Variants in CENPT observed in about 807,000 individuals in gnomAD.
The protein encoded by CENPT is centromere protein T, also known as interphase centromere complex protein 22.
Under a neutral mutation model 59.7 loss-of-function variants are expected in CENPT, and 42 were observed. That is an observed-to-expected ratio of 0.70 (90% CI 0.55 to 0.91). The LOEUF (loss-of-function observed/expected upper bound fraction) is 0.91. CENPT is among the 40% of genes least tolerant of loss of function. The probability of loss-of-function intolerance (pLI) is 0.00; values close to 1 mark genes in which losing one functional copy is unlikely to be tolerated. For missense variants in CENPT, 716 were observed against 713.4 expected, an observed-to-expected ratio of 1.00 and a Z score of -0.04; for synonymous variants, 295 against 289.6, an observed-to-expected ratio of 1.02 and a Z score of -0.19.
Position 67,843,104 on chromosome 16 carries a change from G to A in CENPT, c.-492+4297C>T. 2 of 1,610,964 alleles carry A rather than the reference G, an allele frequency of 1.2e-6. No homozygotes were observed. The highest frequency in any genetic ancestry group is 1.1e-5 in the South Asian group (1 of 91,082). ...GGCGCCCATCACTCCCACTGGAGAA[G>A]ACGTGAAGCCCATCGATCTCACAGT... On this transcript the variant is annotated intron_variant, in intron 1 of 15. Transcript: ENST00000562787. The surrounding 1 kb of genome is among the most constrained non-coding windows in gnomAD (Gnocchi z 5.7).
intron 4 of CENPT, 143 bp downstream of exon 4, chr16:67,833,607 A>G: frequency 2.0e-6 from 1 of 492,162 alleles, no homozygotes; most frequent in Admixed American, 4.3e-5. Flanking sequence ...CTTCGAACAG[A>G]GTCGACGCTG....
At chr16:67,838,079 G>A (rs188056706) in intron 1 of CENPT, among the ~76,000 whole-genome samples, 28 of 152,328 alleles carry the variant, frequency 1.8e-4, no homozygotes, top group Admixed American at 3.9e-4. Context: ...GAGCTGGATC[G>A]TGGAGGTGGG....
chr16:67,830,999 T>C (rs1179065933), intron 10 of CENPT: 6 of 635,448 alleles, frequency 9.4e-6, no homozygotes, highest in South Asian at 1.9e-5. Flanking sequence ...TCCAGCCCTA[T>C]AGTCTAAGGA....
rs780393781 is a variant in CENPT at position 67,842,535 on chromosome 16, C to T, written c.-492+4866G>A. ...GAGCGCAGGAGGCCGGTGGGCCGGG[C>T]CGGGCCGCGCGGCGCAGCCATGCCT... On this transcript the variant is annotated intron_variant, in intron 1 of 15. Coordinates refer to ENST00000562787, the MANE Select transcript of CENPT (RefSeq NM_025082.4). This position sits in a 1 kb window ranked among gnomAD's most constrained non-coding sequence, Gnocchi z 4.9. 13 of 1,490,072 alleles carry T rather than the reference C, an allele frequency of 8.7e-6. No individual in the cohort carries two copies. The highest frequency in any genetic ancestry group is 5.2e-5 in the South Asian group (4 of 76,268). 92.3% of individuals were successfully genotyped at this position (1,490,072 alleles called of 1,614,324 possible). A position where few individuals can be genotyped will look rare whatever the true frequency, so the allele number is the denominator to read the frequency against.
In CENPT at chr16:67,833,783, C is replaced by T. The variant is rs2057715969; in HGVS notation, c.77G>A (p.Arg26His). 3.2e-6 allele frequency: 5 copies of T among 1,563,946 alleles called. No individual in the cohort carries two copies. Among genetic ancestry groups the T allele is most frequent in the African/African-American group, 1.4e-5 (1 of 71,894 alleles). Residue 26 changes from arginine to histidine, a missense_variant, in exon 4 of 16, where the codon CGC becomes CAC. Transcript: ENST00000562787. ...LRRVLDTADP[R>H]TPRRPRSARA... ...AGCACTCCGGGGTCGCCGCGGGGTG[C>T]GCGGGTCCGCTGTATCCAGCACGCG...
Position 67,832,299 on chromosome 16 carries a change from G to C in CENPT, c.218C>G (p.Ala73Gly), listed in dbSNP as rs2057700311. 1 of 1,614,154 alleles carries C rather than the reference G, an allele frequency of 6.2e-7. No homozygotes were observed. Among genetic ancestry groups the C allele is most frequent in the Non-Finnish European group, 8.5e-7 (1 of 1,180,022 alleles). The change falls in exon 6 of 16, where the codon GCC becomes GGC. Residue 73 changes from alanine (A) to glycine (G), a missense_variant. Coordinates refer to ENST00000562787, the MANE Select transcript of CENPT (RefSeq NM_025082.4). Reference sequence around the variant, plus strand: ...CAAGTGCCCACTGGCCTGAATATGGGCCGATCTGCCAACAGACTATCGGCA... The same window carrying C: ...CAAGTGCCCACTGGCCTGAATATGGCCCGATCTGCCAACAGACTATCGGCA... ...SHGARSVGRS[A>G]HIQASGHLEE...
chr16:67,831,195 C>T, intron 10 of CENPT, 21 bp downstream of exon 10: 1 of 1,613,756 alleles, frequency 6.2e-7, no homozygotes, highest in East Asian at 2.2e-5. Context: ...CAAAGGCCAG[C>T]AGGGGAAAAC....
chr16:67,837,207 C>G (rs999495762), intron 1 of CENPT, among the ~76,000 whole-genome samples: 1 of 150,882 alleles, frequency 6.6e-6, no homozygotes, highest in Non-Finnish European at 1.5e-5. Context: ...GGGTCTCGCT[C>G]TGTCACCCGC....
chr16:67,843,565 T>C lies in CENPT; in HGVS notation c.-492+3836A>G, dbSNP rs1053035792. ...CAGCCAGGGGACCGCAGGCCATTGT[T>C]GAACTCCTCTATACTCCTGGGCACT... is the stretch of plus-strand genomic sequence containing the variant. On this transcript the variant is annotated intron_variant, in intron 1 of 15. Transcript: ENST00000562787. This position sits in a 1 kb window ranked among gnomAD's most constrained non-coding sequence, Gnocchi z 5.7. 4 of 1,506,200 alleles carry C rather than the reference T, an allele frequency of 2.7e-6. No individual in the cohort carries two copies. The African/African-American group carries it at 5.5e-5, about 21-fold the overall frequency. The allele number at this position is 1,506,200 out of a possible 1,614,324, so 93.3% of individuals were successfully genotyped here.
intron 13 of CENPT, 38 bp from the exon 14 acceptor site, chr16:67,828,881 T>C: frequency 1.3e-6 from 2 of 1,538,500 alleles, no homozygotes; most frequent in Non-Finnish European, 1.7e-6. Context: ...TGAACTTGCC[T>C]CAAGGAGGCT....
chr16:67,831,527 A>G, intron 9 of CENPT, 49 bp downstream of exon 9: 1 of 1,608,210 alleles, frequency 6.2e-7, no homozygotes, highest in East Asian at 2.2e-5. Context: ...CTCCCTCCCC[A>G]AGTCTCTCCT....
At position 67,841,010 on chromosome 16, in the gene CENPT, C is replaced by CATATATATATATAT. The variant is rs66882634; in HGVS notation, c.-491-5366_-491-5353dup. On this transcript the variant is annotated intron_variant, in intron 1 of 15. Transcript: ENST00000562787. ...CCCCGTCTCTACTAAATACAAAATA[C>CATATATATATATAT]ATATATATATATATATATATATATA... 3.7e-3 allele frequency among the ~76,000 whole-genome samples: 403 copies of CATATATATATATAT among 109,276 alleles called. 7 individuals carry two copies. Among genetic ancestry groups the CATATATATATATAT allele is most frequent in the African/African-American group, 7.1e-3 (201 of 28,308 alleles). The allele number at this position is 109,276 out of a possible 152,430, so 71.7% of individuals were successfully genotyped here.
In CENPT at chr16:67,843,444, G is replaced by T. The variant is rs10806; in HGVS notation, c.-492+3957C>A. 1 of 1,614,032 alleles carries T rather than the reference G, an allele frequency of 6.2e-7. No individual in the cohort carries two copies. Among genetic ancestry groups the T allele is most frequent in the South Asian group, 1.1e-5 (1 of 91,074 alleles). On this transcript the variant is annotated intron_variant, in intron 1 of 15. Coordinates refer to ENST00000562787, the MANE Select transcript of CENPT (RefSeq NM_025082.4). The surrounding 1 kb of genome is among the most constrained non-coding windows in gnomAD (Gnocchi z 5.7). ...GAGGCCAAGCTGCGCGAAGAACTGC[G>T]TGAGAAGGATCGGCTGCTTGCCATG...
Position 67,830,460 on chromosome 16 carries a change from A to C in CENPT, c.792T>G (p.Thr264=). The change falls in exon 11 of 16, where the codon ACT becomes ACG. Residue 264 remains threonine, a synonymous_variant. Coordinates refer to ENST00000562787, the MANE Select transcript of CENPT (RefSeq NM_025082.4). The part of the protein sequence containing the change: ...VYHSLPCTPH[T]GAEDAEQAAG... Reference sequence around the variant, plus strand: ...CAGCCTGCTCAGCGTCTTCAGCCCCAGTGTGAGGCGTGCAGGGCAGGGAGT... The same window carrying C: ...CAGCCTGCTCAGCGTCTTCAGCCCCCGTGTGAGGCGTGCAGGGCAGGGAGT... 1 of 1,614,100 alleles carries C rather than the reference A, an allele frequency of 6.2e-7. No homozygotes were observed. Among genetic ancestry groups the C allele is most frequent in the Non-Finnish European group, 8.5e-7 (1 of 1,180,000 alleles).
At chr16:67,841,646 G>A (rs941850172) in intron 1 of CENPT, 1 of 152,240 alleles carries the variant, frequency 6.6e-6, no homozygotes, top group African/African-American at 2.4e-5. Context: ...TAGGTAGTCA[G>A]GCTCCAAGAG....
chr16:67,836,629 T>G (rs1415253430), intron 1 of CENPT, among the ~76,000 whole-genome samples: 1 of 151,326 alleles, frequency 6.6e-6, no homozygotes, highest in African/African-American at 2.4e-5. Flanking sequence ...TTTCTTTTTT[T>G]GAGACAGAGT....
Position 67,832,073 on chromosome 16 carries a change from C to T in CENPT, c.325G>A (p.Val109Met). The T allele has an allele frequency of 1.2e-6, 2 of 1,612,382 alleles. No individual in the cohort carries two copies. The highest frequency in any genetic ancestry group is 1.3e-5 in the African/African-American group (1 of 75,046). ...ESSILMPESV[V>M]KPVPAPQAVQ... ...GCCTGCGGTGCTGGCACTGGCTTCA[C>T]TACCGACTCAGGCATCAGGATGGAA... Residue 109 changes from valine (V) to methionine (M), a missense_variant, in exon 7 of 16, where the codon GTG becomes ATG. By Grantham distance (21) the Val-to-Met change is conservative (BLOSUM62 1). Transcript: ENST00000562787.
Position 67,828,547 on chromosome 16 carries a change from C to T in CENPT, c.1489G>A (p.Asp497Asn). 6.2e-7 allele frequency: 1 copy of T among 1,614,216 alleles called. No individual in the cohort carries two copies. The highest frequency in any genetic ancestry group is 2.2e-5 in the East Asian group (1 of 44,884). Residue 497 changes from aspartate (D) to asparagine (N), a missense_variant, in exon 15 of 16, where the codon GAT becomes AAT. Asp to Asn is a conservative substitution (Grantham distance 23). Coordinates refer to ENST00000562787, the MANE Select transcript of CENPT (RefSeq NM_025082.4). ...LDKYFQHLCD[D>N]LEVFAAHAGR... ...GCATGAGCAGCAAATACCTCCAGAT[C>T]ATCACAAAGATGCTGGAAATATTTA...
chr16:67,835,951 T>C (rs1215342139), intron 1 of CENPT, among the ~76,000 whole-genome samples: 3 of 152,066 alleles, frequency 2.0e-5, no homozygotes, highest in African/African-American at 7.2e-5. Context: ...GGTTTCACCA[T>C]TTTGGTCATG....
Sources: gnomAD v4.1 joint callset for allele counts (sites outside exome capture counted in the v4.1 genomes callset) on GRCh38, gnomAD v4.1.1 for gene constraint, Gnocchi (gnomAD v3.1) non-coding constraint, MANE v1.5 for transcripts, NCBI Gene and HGNC (gene_info 2026-07-23, HGNC 2026-07-21) for gene names.